SP100: variants seen among roughly 807,000 people sequenced by gnomAD.
SP100 encodes the protein nuclear autoantigen Sp-100.
In SP100, 84 loss-of-function variants were observed where a neutral mutation model predicts 130.0. The ratio of observed to expected loss-of-function variants is 0.65; its 90% CI spans 0.54 to 0.77. SP100 has a LOEUF of 0.77. SP100 is among the 30% of genes least tolerant of loss of function. The pLI is 0.00. For synonymous variants in SP100, 331 were observed against 351.7 expected, an observed-to-expected ratio of 0.94 and a Z score of 0.66; for missense variants, 978 against 1,052.2, an observed-to-expected ratio of 0.93 and a Z score of 0.97.
Position 230,540,927 on chromosome 2 carries a change from C to T in SP100, c.2262C>T (p.Cys754=). Residue 754 remains cysteine, a synonymous_variant, in exon 26 of 29, where the codon TGC becomes TGT. Transcript: ENST00000340126. ...GGATAAAGACTATTCAGGAAAGATG[C>T]CCAGAAAGCCAATCAGGTCATCAGG... ...FCRIKTIQER[C]PESQSGHQES... is the part of the protein sequence containing the mutation. The T allele has an allele frequency of 6.2e-7, 1 of 1,613,654 alleles. No individual in the cohort carries two copies. The highest frequency in any genetic ancestry group is 8.5e-7 in the Non-Finnish European group (1 of 1,179,680).
At chr2:230,440,495 T>C (rs2063435492) in intron 2 of SP100, 2 of 1,270,920 alleles carry the variant, frequency 1.6e-6, no homozygotes, top group Non-Finnish European at 1.0e-6. Context: ...GAGGAATAAA[T>C]TTAATGAAAG....
intron 2 of SP100, among the ~76,000 whole-genome samples, chr2:230,427,546 G>A (rs1423144520): frequency 6.6e-6 from 1 of 152,074 alleles, no homozygotes; most frequent in Non-Finnish European, 1.5e-5. Flanking sequence ...CTTTTGATTA[G>A]AGAATTTAAT....
At chr2:230,455,620 ATATAATTAC>A (rs2064236912) in intron 8 of SP100, among the ~76,000 whole-genome samples, 1 of 152,172 alleles carries the variant, frequency 6.6e-6, no homozygotes, top group Non-Finnish European at 1.5e-5. Flanking sequence ...TTTACACTTA[ATATAATTAC>A]TGATAGGTAA....
At chr2:230,527,896 G>A (rs1208248444) in intron 24 of SP100, among the ~76,000 whole-genome samples, 2 of 152,148 alleles carry the variant, frequency 1.3e-5, no homozygotes, top group Admixed American at 1.3e-4. Context: ...CTAAATACAT[G>A]CACCCAATAC....
chr2:230,418,193 T>C (rs2062669146), intron 2 of SP100, among the ~76,000 whole-genome samples: 1 of 152,234 alleles, frequency 6.6e-6, no homozygotes, highest in African/African-American at 2.4e-5. Context: ...TTTCATCTTT[T>C]CAGTCTTTCA....
intron 24 of SP100, among the ~76,000 whole-genome samples, chr2:230,532,150 A>C (rs1217747213): frequency 1.3e-5 from 2 of 152,170 alleles, no homozygotes; most frequent in African/African-American, 2.4e-5. Flanking sequence ...GACACCGACC[A>C]CTTAAAATTT....
chr2:230,540,868 T>C lies in SP100; in HGVS notation c.2211-8T>C, dbSNP rs755699097. The C allele has an allele frequency of 8.4e-5, 135 of 1,608,674 alleles. No homozygotes were observed. The highest frequency in any genetic ancestry group is 2.0e-4 in the Admixed American group (12 of 59,474). ...CTGCCATTGCTCACTTTATGCCCCA[T>C]CTCTCAGGAACCCGTGGAGTTGCAT... On this transcript the variant is annotated splice_region_variant and splice_polypyrimidine_tract_variant and intron_variant, in intron 25 of 28. Transcript: ENST00000340126.
Position 230,504,184 on chromosome 2 carries a change from A to T in SP100, c.1766-2A>T. On this transcript the variant is annotated splice_acceptor_variant, in intron 20 of 28. Transcript: ENST00000340126. LOFTEE classifies it high-confidence loss of function. ...AATGGAAAAAAAAATGCTTCCTTGC[A>T]GGTCCAAGAATTCCCAAAGATGAAA... The T allele has an allele frequency of 6.3e-7, 1 of 1,588,190 alleles. No homozygotes were observed. The highest frequency in any genetic ancestry group is 8.6e-7 in the Non-Finnish European group (1 of 1,157,730).
chr2:230,541,553 G>A (rs1016963463), intron 27 of SP100, among the ~76,000 whole-genome samples, 181 bp downstream of exon 27: 8 of 152,172 alleles, frequency 5.3e-5, no homozygotes, highest in Non-Finnish European at 1.2e-4. Context: ...CGGTCCCGGA[G>A]GCTGCATGTC....
intron 17 of SP100, among the ~76,000 whole-genome samples, chr2:230,486,591 T>C (rs2066112768): frequency 6.6e-6 from 1 of 152,242 alleles, no homozygotes; most frequent in Non-Finnish European, 1.5e-5. Context: ...GGCATCTGGT[T>C]TGGATCCATG....
chr2:230,525,163 T>TA (rs1039470427), intron 24 of SP100, among the ~76,000 whole-genome samples: 3 of 151,870 alleles, frequency 2.0e-5, no homozygotes, highest in Non-Finnish European at 4.4e-5. Context: ...ACTTATTTTT[T>TA]AAAAAAAAGA....
At chr2:230,539,488 T>C (rs1654130231) in intron 25 of SP100, 106 bp downstream of exon 25, 1 of 732,990 alleles carries the variant, frequency 1.4e-6, no homozygotes. Context: ...TATGTGTTTC[T>C]TGATGCATAA....
chr2:230,448,027 T>C (rs1346630770), intron 5 of SP100, among the ~76,000 whole-genome samples: 1 of 152,194 alleles, frequency 6.6e-6, no homozygotes, highest in African/African-American at 2.4e-5. Context: ...TTTTCACTTG[T>C]TATGACTTAA....
intron 2 of SP100, among the ~76,000 whole-genome samples, chr2:230,418,808 G>A (rs897061282): frequency 5.9e-5 from 9 of 152,116 alleles, no homozygotes; most frequent in Middle Eastern, 3.4e-3. Context: ...CCCCTTGGCC[G>A]GTGACAGCCC....
chr2:230,511,230 C>A, intron 24 of SP100, 64 bp downstream of exon 24: 1 of 1,071,256 alleles, frequency 9.3e-7, no homozygotes, highest in South Asian at 1.2e-5. Flanking sequence ...CACACTATGT[C>A]ATGACTGCCT....
intron 5 of SP100, among the ~76,000 whole-genome samples, chr2:230,448,274 T>C (rs1372706888): frequency 2.0e-5 from 3 of 152,012 alleles, no homozygotes; most frequent in Non-Finnish European, 4.4e-5. Flanking sequence ...GGAAGGGAAA[T>C]GAAACCGTGA....
intron 24 of SP100, among the ~76,000 whole-genome samples, chr2:230,522,052 G>A (rs114610619): frequency 1.9e-3 from 286 of 152,302 alleles, no homozygotes; most frequent in Admixed American, 4.1e-3. Flanking sequence ...AATTGTGTGT[G>A]TGTTCCAGCA....
Position 230,464,049 on chromosome 2 carries a change from T to A in SP100, c.1058-18T>A. On this transcript the variant is annotated intron_variant, in intron 10 of 28. Transcript: ENST00000340126. The stretch of plus-strand genomic sequence containing the variant: ...GTCACACACTGAGACCTCTAAAGAA[T>A]CCCATTCTTTTGTGCAGTGATCAAT... The A allele has an allele frequency of 1.3e-6, 2 of 1,562,204 alleles. No individual in the cohort carries two copies. Among genetic ancestry groups the A allele is most frequent in the Non-Finnish European group, 1.8e-6 (2 of 1,133,248 alleles).
At chr2:230,498,946 G>A (rs2066852582) in intron 19 of SP100, among the ~76,000 whole-genome samples, 2 of 152,208 alleles carry the variant, frequency 1.3e-5, no homozygotes, top group Admixed American at 6.5e-5. Flanking sequence ...TTACTCATCT[G>A]TAAAGTGAAA....
Sources: gnomAD v4.1 joint callset for allele counts (sites outside exome capture counted in the v4.1 genomes callset) on GRCh38, gnomAD v4.1.1 for gene constraint, MANE v1.5 for transcripts, NCBI Gene and HGNC (gene_info 2026-07-23, HGNC 2026-07-21) for gene names.